Variants in PLCB1 observed in about 807,000 individuals in gnomAD.
PLCB1 encodes the protein phospholipase C beta 1, also known as 1-phosphatidylinositol 4,5-bisphosphate phosphodiesterase beta-1.
In PLCB1, 46 loss-of-function variants were observed where a neutral mutation model predicts 161.8. The observed-to-expected ratio is 0.28, with a 90% CI of 0.22 to 0.36. The LOEUF is 0.36. Among genes scored for constraint, PLCB1 ranks in the 10% least tolerant of loss-of-function variants. PLCB1 has a pLI of 1.00. For synonymous variants in PLCB1, 517 were observed against 503.7 expected, an observed-to-expected ratio of 1.03 and a Z score of -0.35; for missense variants, 1,016 against 1,472.5, an observed-to-expected ratio of 0.69 and a Z score of 5.07.
At chr20:8,632,501 A>C (rs1813106241) in intron 4 of PLCB1, among the ~76,000 whole-genome samples, 1 of 152,178 alleles carries the variant, frequency 6.6e-6, no homozygotes, top group Non-Finnish European at 1.5e-5. Flanking sequence ...AATAAGTAAA[A>C]TAAAGAAGTC....
intron 3 of PLCB1, among the ~76,000 whole-genome samples, chr20:8,453,421 C>T (rs890174259): frequency 1.3e-5 from 2 of 152,142 alleles, no homozygotes; most frequent in African/African-American, 4.8e-5. Flanking sequence ...CTATGGTCCT[C>T]GATATTCTCA....
intron 31 of PLCB1, among the ~76,000 whole-genome samples, chr20:8,839,409 T>A (rs6086629): frequency 0.32 from 48,698 of 152,006 alleles, 8,784 homozygotes; most frequent in East Asian, 0.63. Flanking sequence ...TTTGAGTGGA[T>A]CCCAGAACAA....
chr20:8,246,908 C>G (rs970920056), intron 2 of PLCB1, among the ~76,000 whole-genome samples: 3 of 151,762 alleles, frequency 2.0e-5, no homozygotes, highest in African/African-American at 7.3e-5. Flanking sequence ...CTCTTGAAGT[C>G]CTTATGTCTG....
rs1454686186 is a variant in PLCB1, at chr20:8,765,124, A to G, written c.2711-15A>G. ...GCCCTCCCATTCCCTTAGCTTTCAT[A>G]TTCATTTGTTGCAGAAGTGGAAGCA... On this transcript the variant is annotated splice_polypyrimidine_tract_variant and intron_variant, in intron 25 of 31. Coordinates refer to ENST00000338037, the MANE Select transcript of PLCB1 (RefSeq NM_015192.4). 3.1e-6 allele frequency: 5 copies of G among 1,603,276 alleles called. No homozygotes were observed. The highest frequency in any genetic ancestry group is 1.7e-5 in the Admixed American group (1 of 58,804).
intron 3 of PLCB1, among the ~76,000 whole-genome samples, chr20:8,529,405 C>T (rs1015715192): frequency 3.3e-5 from 5 of 151,982 alleles, no homozygotes; most frequent in Non-Finnish European, 5.9e-5. Flanking sequence ...CAGAACCTCT[C>T]GCATATGCTC....
At chr20:8,432,761 C>G (rs760101815) in intron 3 of PLCB1, among the ~76,000 whole-genome samples, 1 of 152,122 alleles carries the variant, frequency 6.6e-6, no homozygotes, top group Non-Finnish European at 1.5e-5. Context: ...TTGATCAGTC[C>G]GGCCTAGTCA....
In PLCB1 at chr20:8,325,217, G is replaced by A. The variant is rs73591713; in HGVS notation, c.178-46165G>A. ...GGTTGGATGAATTAATGCACATTCTGAAAAACAGTGTTTTAGATTTCAAGT... is the reference window on the plus strand; with the variant it reads ...GGTTGGATGAATTAATGCACATTCTAAAAAACAGTGTTTTAGATTTCAAGT... On this transcript the variant is annotated intron_variant, in intron 2 of 31. Transcript: ENST00000338037. Among the ~76,000 whole-genome samples the A allele has an allele frequency of 4.6e-3, 702 of 152,224 alleles. 6 individuals are homozygous for A. The highest frequency in any genetic ancestry group is 0.016 in the African/African-American group (667 of 41,534).
chr20:8,509,729 C>CATAGATAGATAG (rs11468649), intron 3 of PLCB1, among the ~76,000 whole-genome samples: 7 of 148,038 alleles, frequency 4.7e-5, no homozygotes, highest in South Asian at 2.2e-4. Context: ...ATAGGCAGAT[C>CATAGATAGATAG]ATAGATAGAT....
Position 8,881,804 on chromosome 20 carries a change from G to C in PLCB1, c.3606G>C (p.Glu1202Asp), listed in dbSNP as rs200558916. The stretch of plus-strand genomic sequence containing the variant: ...ACCACAAGACTCCCTCCAGTGAGGA[G>C]CTGGGAGGAGACATCCCAGGAAAAG... ...KVNHKTPSSE[E>D]LGGDIPGKEF... Residue 1202 changes from glutamate to aspartate, a missense_variant, in exon 32 of 32, where the codon GAG becomes GAC. By Grantham distance (45) the Glu-to-Asp change is conservative. Around this residue, in one of 10 missense-constraint regions of PLCB1, gnomAD observed 398 missense variants for 445.4 expected, o/e 0.89. Transcript: ENST00000338037. 207 of 1,613,980 alleles carry C rather than the reference G, an allele frequency of 1.3e-4. No homozygotes were observed. Among genetic ancestry groups the C allele is most frequent in the Non-Finnish European group, 1.7e-4 (195 of 1,179,958 alleles).
Position 8,452,946 on chromosome 20 carries a change from C to T in PLCB1, c.246+81496C>T, listed in dbSNP as rs148101071. 3.1e-3 allele frequency among the ~76,000 whole-genome samples: 476 copies of T among 152,282 alleles called. 2 individuals are homozygous for T. The highest frequency in any genetic ancestry group is 9.8e-3 in the African/African-American group (406 of 41,556). ...GCCTGGTTGAATGTCCCTGAGTACA[C>T]CAGCTGACATGGATGCCAGAATTCC... is the stretch of plus-strand genomic sequence containing the variant. On this transcript the variant is annotated intron_variant, in intron 3 of 31. Coordinates refer to ENST00000338037, the MANE Select transcript of PLCB1 (RefSeq NM_015192.4).
chr20:8,238,868 G>GC (rs370249434), intron 2 of PLCB1, among the ~76,000 whole-genome samples: 102 of 150,604 alleles, frequency 6.8e-4, no homozygotes, highest in African/African-American at 2.4e-3. Flanking sequence ...TGGGTGGCTG[G>GC]GGGGAAGACA....
At chr20:8,210,138 C>T (rs1353013075) in intron 2 of PLCB1, among the ~76,000 whole-genome samples, 2 of 151,898 alleles carry the variant, frequency 1.3e-5, no homozygotes, top group African/African-American at 4.8e-5. Flanking sequence ...AAATATATCT[C>T]TTAATAAGAT....
chr20:8,739,656 G>A (rs1980770223), intron 21 of PLCB1, among the ~76,000 whole-genome samples: 1 of 152,182 alleles, frequency 6.6e-6, no homozygotes, highest in Non-Finnish European at 1.5e-5. Context: ...CCTGGGCTCC[G>A]CAGCATAGCT....
chr20:8,539,679 TCTTTCTTTTTCTTTTTCCTTCCTTCCTTC>T (rs1985222492), intron 3 of PLCB1, among the ~76,000 whole-genome samples: 1 of 72,898 alleles, frequency 1.4e-5, no homozygotes, highest in African/African-American at 5.4e-5. Context: ...TTTCTTTCTT[TCTTTCTTTTTCTTTTTCCTTCCTTCCTTC>T]CTTTCTTTTC....
At chr20:8,357,880 T>C (rs1986412577) in intron 2 of PLCB1, among the ~76,000 whole-genome samples, 1 of 151,818 alleles carries the variant, frequency 6.6e-6, no homozygotes, top group South Asian at 2.1e-4. Context: ...CAGCATTCTA[T>C]GGCTTCTCTG....
intron 3 of PLCB1, among the ~76,000 whole-genome samples, chr20:8,376,234 A>C (rs1987074843): frequency 6.6e-6 from 1 of 152,196 alleles, no homozygotes; most frequent in Non-Finnish European, 1.5e-5. Context: ...CTGATCTGAC[A>C]ACTAGTTTAT....
chr20:8,332,258 A>C (rs530066746), intron 2 of PLCB1, among the ~76,000 whole-genome samples: 12 of 152,342 alleles, frequency 7.9e-5, no homozygotes, highest in Admixed American at 3.9e-4. Context: ...ATTCATCGAC[A>C]CTTGCTTTCC....
chr20:8,137,290 C>G (rs1279793259), intron 1 of PLCB1, among the ~76,000 whole-genome samples: 1 of 152,056 alleles, frequency 6.6e-6, no homozygotes, highest in African/African-American at 2.4e-5. Context: ...AATGAGAGAG[C>G]AGAGGGGAAA....
At position 8,721,276 on chromosome 20, in the gene PLCB1, A is replaced by T. The variant is rs74526771; in HGVS notation, c.1514-1078A>T. Among the ~76,000 whole-genome samples, 880 of 152,096 alleles carry T rather than the reference A, an allele frequency of 5.8e-3. 7 individuals are homozygous for T. Among genetic ancestry groups the T allele is most frequent in the African/African-American group, 0.02 (837 of 41,374 alleles). ...CTGGCAGTGGGCAGGGGTGCAAGTT[A>T]CTTCATTGTTGAACCATTATTGCCA... On this transcript the variant is annotated intron_variant, in intron 14 of 31. Coordinates refer to ENST00000338037, the MANE Select transcript of PLCB1 (RefSeq NM_015192.4).
Sources: gnomAD v4.1 joint callset for allele counts (sites outside exome capture counted in the v4.1 genomes callset) on GRCh38, gnomAD v4.1.1 for gene constraint, gnomAD v4.1.1 regional missense constraint, MANE v1.5 for transcripts, NCBI Gene and HGNC (gene_info 2026-07-23, HGNC 2026-07-21) for gene names.